Variants in TM2D3 observed in about 807,000 individuals in gnomAD.
TM2D3 encodes TM2 domain-containing protein 3.
In TM2D3, 33 loss-of-function variants were observed where a neutral mutation model predicts 27.3. That is an observed-to-expected ratio of 1.21 (90% confidence interval 0.92 to 1.61). TM2D3 has a LOEUF of 1.61. Among genes scored for constraint, TM2D3 ranks in the 40% most tolerant of loss-of-function variants. The pLI, the probability that TM2D3 is intolerant of heterozygous loss-of-function variation, is 0.00. For missense variants in TM2D3, 364 were observed against 320.8 expected (o/e 1.13, Z -1.03); for synonymous variants, 138 against 122.2 (o/e 1.13, Z -0.85).
In TM2D3 at chr15:101,650,170, G is replaced by C. The variant is rs771017739; in HGVS notation, c.170-9C>G. The C allele has an allele frequency of 6.2e-7, 1 of 1,610,858 alleles. No individual in the cohort carries two copies. Among genetic ancestry groups the C allele is most frequent in the Non-Finnish European group, 8.5e-7 (1 of 1,178,594 alleles). Reference sequence around the variant, plus strand: ...TGGGATTTCAGTACTTTCTGTGAGAGGCAAGAGAGAAGCTTATTCTCCTAT... The same window carrying C: ...TGGGATTTCAGTACTTTCTGTGAGACGCAAGAGAGAAGCTTATTCTCCTAT... On this transcript the variant is annotated splice_polypyrimidine_tract_variant and intron_variant, in intron 2 of 5. Coordinates refer to ENST00000333202, the MANE Select transcript of TM2D3 (RefSeq NM_078474.3).
chr15:101,644,443 T>C (rs1896752076), intron 5 of TM2D3, among the ~76,000 whole-genome samples: 2 of 152,182 alleles, frequency 1.3e-5, no homozygotes, highest in Admixed American at 1.3e-4. Context: ...GCCCAGAACG[T>C]CAGCAGTGAT....
intron 3 of TM2D3, chr15:101,648,061 C>T (rs544121193): frequency 6.6e-6 from 1 of 152,258 alleles, no homozygotes; most frequent in East Asian, 1.9e-4. Flanking sequence ...CCACGCCCAG[C>T]TAATTTTTGT....
chr15:101,645,055 G>A (rs772395773), intron 5 of TM2D3, 32 bp downstream of exon 5: 28 of 1,586,858 alleles, frequency 1.8e-5, no homozygotes, highest in Admixed American at 6.8e-5. Context: ...AAATGCAAAC[G>A]GCCTTTTACA....
At chr15:101,650,759 T>C (rs1056855800) in intron 2 of TM2D3, 1 of 152,252 alleles carries the variant, frequency 6.6e-6, no homozygotes, top group Non-Finnish European at 1.5e-5. Context: ...TTTAATAACA[T>C]CTTCAGTAAG....
chr15:101,649,304 C>CAA (rs1439526500), intron 3 of TM2D3, among the ~76,000 whole-genome samples: 1 of 146,628 alleles, frequency 6.8e-6, no homozygotes, highest in African/African-American at 2.5e-5. Context: ...TGCCTTTATG[C>CAA]TTTTTTTTTT....
chr15:101,646,891 G>A lies in TM2D3; in HGVS notation c.336C>T (p.Asp112=). 1 of 1,614,190 alleles carries A rather than the reference G, an allele frequency of 6.2e-7. No homozygotes were observed. Among genetic ancestry groups the A allele is most frequent in the African/African-American group, 1.3e-5 (1 of 75,050 alleles). The stretch of plus-strand genomic sequence containing the variant: ...TGATGAAGTTCTTTTGGGATTTGAA[G>A]TCTTGATCCTATGTAGCAAATGACA... ...VKPSVTCVDQ[D]FKSQKNFIIN... is the part of the protein sequence containing the mutation. Residue 112 remains aspartate (D), a synonymous_variant, in exon 4 of 6, where the codon GAC becomes GAT. Coordinates refer to ENST00000333202, the MANE Select transcript of TM2D3 (RefSeq NM_078474.3).
At chr15:101,643,856 ATCT>A (rs1466102043) in intron 5 of TM2D3, among the ~76,000 whole-genome samples, 1 of 151,876 alleles carries the variant, frequency 6.6e-6, no homozygotes, top group Non-Finnish European at 1.5e-5. Context: ...ATGGTTACTA[ATCT>A]TTTTTTTTGA....
rs1202110766 is a variant in TM2D3 at position 101,633,781 on chromosome 15, C to T, written c.501-53G>A. On this transcript the variant is annotated intron_variant, in intron 4 of 4. Coordinates refer to the TM2D3 transcript ENST00000428002. ...AAGAAAAAACAATTAGTTCTTATGA[C>T]ATAATATCCAACATGTCCAGGAGAC... is the stretch of plus-strand genomic sequence containing the variant. The T allele has an allele frequency of 3.5e-6, 5 of 1,437,696 alleles. No individual in the cohort carries two copies. In the East Asian group the frequency reaches 1.3e-4, roughly 36 times the overall value. 89.1% of individuals were successfully genotyped at this position (1,437,696 alleles called of 1,614,324 possible).
exon 5 of TM2D3, chr15:101,633,564 C>T (rs1596256813): frequency 1.2e-6 from 1 of 837,712 alleles, no homozygotes. Context: ...CATCTTTCTT[C>T]TTCAAGGACT....
At chr15:101,649,458 C>T (rs1896911069) in intron 3 of TM2D3, among the ~76,000 whole-genome samples, 1 of 152,078 alleles carries the variant, frequency 6.6e-6, no homozygotes, top group African/African-American at 2.4e-5. Context: ...TGTGGTACTT[C>T]AGGGTTTCAT....
intron 4 of TM2D3, 22 bp downstream of exon 4, chr15:101,646,703 A>G (rs759501488): frequency 1.2e-6 from 2 of 1,613,936 alleles, no homozygotes; most frequent in Non-Finnish European, 1.7e-6. Context: ...TTGTTGACAA[A>G]TGTCCTTGAA....
chr15:101,644,495 C>T (rs1896753910), intron 5 of TM2D3, among the ~76,000 whole-genome samples: 1 of 152,212 alleles, frequency 6.6e-6, no homozygotes, highest in South Asian at 2.1e-4. Context: ...TGCTGCAGGC[C>T]TCAGGGTCTC....
In TM2D3 at chr15:101,641,984, G is replaced by C. The variant is rs1335969403; in HGVS notation, c.*495C>G. On this transcript the variant is annotated 3_prime_UTR_variant, in exon 6 of 6. Coordinates refer to ENST00000333202, the MANE Select transcript of TM2D3 (RefSeq NM_078474.3). ...CATATATACAGACCAGACTACATATGTATTACACTGCAAAACTTACACATG... is the reference window on the plus strand; with the variant it reads ...CATATATACAGACCAGACTACATATCTATTACACTGCAAAACTTACACATG... 4.1e-6 allele frequency: 4 copies of C among 985,618 alleles called. No individual in the cohort carries two copies. The highest frequency in any genetic ancestry group is 4.8e-6 in the Non-Finnish European group (4 of 830,036). 61.1% of individuals were successfully genotyped at this position (985,618 alleles called of 1,614,324 possible).
intron 4 of TM2D3, 166 bp from the exon 5 acceptor site, chr15:101,645,328 T>TG: frequency 3.2e-6 from 2 of 616,330 alleles, no homozygotes; most frequent in Non-Finnish European, 5.6e-6. Flanking sequence ...TCTACATAGA[T>TG]GTAATATTTA....
At chr15:101,641,014 A>AC (rs1896655236), downstream of TM2D3, among the ~76,000 whole-genome samples, 1 of 152,204 alleles carries the variant, frequency 6.6e-6, no homozygotes. Flanking sequence ...CCCTGGTTCC[A>AC]CCTTGCATGG....
At position 101,646,801 on chromosome 15, in the gene TM2D3, GGTGGAGTTGGTACACTC is replaced by G; in HGVS notation, c.409_425del (p.Glu137GlnfsTer27). The G allele has an allele frequency of 6.2e-7, 1 of 1,614,204 alleles. No individual in the cohort carries two copies. Among genetic ancestry groups the G allele is most frequent in the Non-Finnish European group, 8.5e-7 (1 of 1,180,036 alleles). ...GAGGACAGGACACCGTCATGCAGCT[GGTGGAGTTGGTACACTC>G]GTAATCTGTTTCAGGAAGCTGCCAG... On this transcript the variant is annotated frameshift_variant, in exon 4 of 6. Transcript: ENST00000333202. LOFTEE classifies it high-confidence loss of function.
Position 101,649,956 on chromosome 15 carries a change from T to TA in TM2D3, c.327+47dup, listed in dbSNP as rs572366690. The TA allele has an allele frequency of 3.0e-3, 4,590 of 1,555,696 alleles. 9 individuals carry two copies. Among genetic ancestry groups the TA allele is most frequent in the Non-Finnish European group, 3.8e-3 (4,343 of 1,140,334 alleles). On this transcript the variant is annotated intron_variant, in intron 3 of 5. Coordinates refer to ENST00000333202, the MANE Select transcript of TM2D3 (RefSeq NM_078474.3). Reference sequence around the variant, plus strand: ...TCAAGTCTGAATTGTTCTTCTAACTTAAAGTTTACAATGAATTTATTTAGA... The same window carrying TA: ...TCAAGTCTGAATTGTTCTTCTAACTTAAAAGTTTACAATGAATTTATTTAGA...
At chr15:101,641,165 G>C (rs909036866), downstream of TM2D3, among the ~76,000 whole-genome samples, 1 of 152,214 alleles carries the variant, frequency 6.6e-6, no homozygotes, top group Non-Finnish European at 1.5e-5. Flanking sequence ...TCAATCAACA[G>C]TTTAACGGAT....
At chr15:101,634,989 C>T (rs967666663) in intron 4 of TM2D3, 23 of 152,090 alleles carry the variant, frequency 1.5e-4, no homozygotes, top group African/African-American at 5.6e-4. Context: ...TGGGACCCTA[C>T]CTCTAGAAAA....
Sources: gnomAD v4.1 joint callset for allele counts (sites outside exome capture counted in the v4.1 genomes callset) on GRCh38, gnomAD v4.1.1 for gene constraint, MANE v1.5 for transcripts, NCBI Gene and HGNC (gene_info 2026-07-23, HGNC 2026-07-21) for gene names.